Variants in SDF2 observed in about 807,000 individuals in gnomAD.
SDF2 encodes the protein stromal cell-derived factor 2.
Under a neutral mutation model 20.5 loss-of-function variants are expected in SDF2, and 12 were observed. The ratio of observed to expected loss-of-function variants is 0.58; its 90% CI spans 0.37 to 0.95. The LOEUF is 0.95. Among genes scored for constraint, SDF2 ranks in the 40% least tolerant of loss-of-function variants. SDF2 has a pLI of 0.01. For synonymous variants in SDF2, 100 were observed against 101.0 expected (o/e 0.99, Z 0.06); for missense variants, 238 against 263.1 (o/e 0.90, Z 0.66).
rs1277135000 is a variant in SDF2, at chr17:28,649,222, C to G, written c.403G>C (p.Val135Leu). 6.2e-7 allele frequency: 1 copy of G among 1,614,222 alleles called. No homozygotes were observed. The highest frequency in any genetic ancestry group is 8.5e-7 in the Non-Finnish European group (1 of 1,180,038). ...GEGDYLDDWT[V>L]LCNGPYWVRD... is the part of the protein sequence containing the mutation. ...ACCCAGTAGGGTCCATTACAGAGCA[C>G]TGTCCAGTCATCCAGATAATCACCT... The change falls in exon 3 of 3, where the codon GTG (valine) becomes CTG (leucine). Residue 135 changes from valine (V) to leucine (L), a missense_variant. Coordinates refer to ENST00000247020, the MANE Select transcript of SDF2 (RefSeq NM_006923.4).
Position 28,661,903 on chromosome 17 carries a change from C to T in SDF2, c.-27G>A, listed in dbSNP as rs2072054649. ...CTAACTGTATCGCGGAGCCCCAAAT[C>T]TTCGAAGAAAACTCGGCCCCTCCCC... On this transcript the variant is annotated 5_prime_UTR_variant, in exon 1 of 3. Transcript: ENST00000247020. The T allele has an allele frequency of 6.3e-7, 1 of 1,583,020 alleles. No homozygotes were observed. Among genetic ancestry groups the T allele is most frequent in the Non-Finnish European group, 8.6e-7 (1 of 1,156,852 alleles).
At chr17:28,655,236 G>T in intron 2 of SDF2, 51 bp downstream of exon 2, 1 of 1,534,138 alleles carries the variant, frequency 6.5e-7, no homozygotes, top group Non-Finnish European at 9.0e-7. Flanking sequence ...GATCAAACAA[G>T]CACCCACTGA....
intron 2 of SDF2, among the ~76,000 whole-genome samples, chr17:28,650,511 T>C (rs1451264298): frequency 6.6e-6 from 1 of 151,596 alleles, no homozygotes; most frequent in Non-Finnish European, 1.5e-5. Context: ...TGTGGCCAGG[T>C]ACGGTAGCTC....
chr17:28,656,730 G>A (rs769754003), intron 1 of SDF2, among the ~76,000 whole-genome samples: 39 of 152,294 alleles, frequency 2.6e-4, no homozygotes, highest in Non-Finnish European at 4.7e-4. Flanking sequence ...GTTTTTTGAG[G>A]CACAGGCAGT....
rs956754004 is a variant in SDF2, at chr17:28,648,624, G to C, written c.*365C>G. The C allele has an allele frequency of 2.1e-5, 5 of 242,770 alleles. No individual in the cohort carries two copies. The highest frequency in any genetic ancestry group is 4.0e-5 in the Non-Finnish European group (5 of 124,468). 15.0% of individuals were successfully genotyped at this position (242,770 alleles called of 1,614,324 possible). On this transcript the variant is annotated 3_prime_UTR_variant, in exon 3 of 3. Transcript: ENST00000247020. ...ATTATTGTTTTTATCATTTTGGAGAGAGAAAATAGGGGGAAAATCACATAC... is the reference window on the plus strand; with the variant it reads ...ATTATTGTTTTTATCATTTTGGAGACAGAAAATAGGGGGAAAATCACATAC...
Position 28,649,087 on chromosome 17 carries a change from C to T in SDF2, c.538G>A (p.Ala180Thr), listed in dbSNP as rs565830539. ...ISGQKEVHGM[A>T]QPSQNNYWKA... ...CAGTAGTTGTTCTGACTTGGCTGGG[C>T]CATGCCATGCACCTCTTTTTGCCCA... The change falls in exon 3 of 3, where the codon GCC becomes ACC. Residue 180 changes from alanine (A) to threonine (T), a missense_variant. Ala to Thr is a moderately conservative substitution (Grantham distance 58, BLOSUM62 0). Transcript: ENST00000247020. 5.0e-6 allele frequency: 8 copies of T among 1,614,212 alleles called. No homozygotes were observed. The Admixed American group carries it at 1.3e-4, about 27-fold the overall frequency.
chr17:28,649,331 G>C, intron 2 of SDF2, 55 bp from the exon 3 acceptor site: 1 of 1,554,592 alleles, frequency 6.4e-7, no homozygotes, highest in Non-Finnish European at 8.8e-7. Context: ...CTTGAAAAGG[G>C]GTGGGAGGCA....
In SDF2 at chr17:28,655,178, A is replaced by C. The variant is rs1285985867; in HGVS notation, c.348+109T>G. The C allele has an allele frequency of 2.8e-6, 3 of 1,071,978 alleles. No homozygotes were observed. The Admixed American group carries it at 6.2e-5, about 22-fold the overall frequency. The allele number at this position is 1,071,978 out of a possible 1,614,324, so 66.4% of individuals were successfully genotyped here. A position where few individuals can be genotyped will look rare whatever the true frequency, so the allele number is the denominator to read the frequency against. On this transcript the variant is annotated intron_variant, in intron 2 of 2. Transcript: ENST00000247020. ...AATAGAGCCATTTCCCCAGGTCTGCACAAAAGAGAACATCTACACCTAGAA... is the reference window on the plus strand; with the variant it reads ...AATAGAGCCATTTCCCCAGGTCTGCCCAAAAGAGAACATCTACACCTAGAA...
Position 28,648,919 on chromosome 17 carries a change from G to T in SDF2, c.*70C>A, listed in dbSNP as rs2071887823. On this transcript the variant is annotated 3_prime_UTR_variant, in exon 3 of 3. Coordinates refer to ENST00000247020, the MANE Select transcript of SDF2 (RefSeq NM_006923.4). ...CACTGCCCAAGGAACTTGTGGCAGG[G>T]ATCCCAAGGTGAGGCAGCAACAGAT... is the stretch of plus-strand genomic sequence containing the variant. The T allele has an allele frequency of 6.6e-7, 1 of 1,514,084 alleles. No homozygotes were observed. 93.8% of individuals were successfully genotyped at this position (1,514,084 alleles called of 1,614,324 possible). A position where few individuals can be genotyped will look rare whatever the true frequency, so the allele number is the denominator to read the frequency against.
Position 28,648,911 on chromosome 17 carries a change from G to A in SDF2, c.*78C>T, listed in dbSNP as rs904137219. On this transcript the variant is annotated 3_prime_UTR_variant, in exon 3 of 3. Transcript: ENST00000247020. ...GACATGGCCACTGCCCAAGGAACTTGTGGCAGGGATCCCAAGGTGAGGCAG... is the reference window on the plus strand; with the variant it reads ...GACATGGCCACTGCCCAAGGAACTTATGGCAGGGATCCCAAGGTGAGGCAG... 1.4e-6 allele frequency: 2 copies of A among 1,444,488 alleles called. No individual in the cohort carries two copies. The highest frequency in any genetic ancestry group is 2.8e-5 in the African/African-American group (2 of 71,616). The allele number at this position is 1,444,488 out of a possible 1,614,324, so 89.5% of individuals were successfully genotyped here. A position where few individuals can be genotyped will look rare whatever the true frequency, so the allele number is the denominator to read the frequency against.
chr17:28,655,144 C>T, intron 2 of SDF2, 143 bp downstream of exon 2: 2 of 781,462 alleles, frequency 2.6e-6, no homozygotes, highest in East Asian at 2.6e-5. Flanking sequence ...CAACAAAAAC[C>T]CACACAAAAA....
At chr17:28,654,140 G>A (rs532018786) in intron 2 of SDF2, among the ~76,000 whole-genome samples, 4 of 151,768 alleles carry the variant, frequency 2.6e-5, no homozygotes, top group Middle Eastern at 3.4e-3. Context: ...GCAAAACCCC[G>A]TATCTACCAA....
chr17:28,648,578 AAC>A lies in SDF2; in HGVS notation c.*409_*410del, dbSNP rs1202970861. 5 of 204,282 alleles carry A rather than the reference AAC, an allele frequency of 2.4e-5. No individual in the cohort carries two copies. The East Asian group carries it at 5.9e-4, about 24-fold the overall frequency. The allele number at this position is 204,282 out of a possible 1,614,324, so 12.7% of individuals were successfully genotyped here. ...TGAAATAGCACACCTAATAAATAAC[AAC>A]ACAGTGACTCATAATAAAATTATTG... On this transcript the variant is annotated 3_prime_UTR_variant, in exon 3 of 3. Coordinates refer to ENST00000247020, the MANE Select transcript of SDF2 (RefSeq NM_006923.4).
At chr17:28,652,164 A>G (rs1479035166) in intron 2 of SDF2, among the ~76,000 whole-genome samples, 2 of 152,042 alleles carry the variant, frequency 1.3e-5, no homozygotes, top group Non-Finnish European at 2.9e-5. Flanking sequence ...CCTGAATAAC[A>G]CAGCAAGAAC....
chr17:28,659,659 C>T (rs1340589767), intron 1 of SDF2, among the ~76,000 whole-genome samples: 27 of 141,114 alleles, frequency 1.9e-4, no homozygotes, highest in South Asian at 6.9e-4. Context: ...CAGGCAGAGA[C>T]GCTCCTCACA....
At position 28,649,202 on chromosome 17, in the gene SDF2, G is replaced by C. The variant is rs766535354; in HGVS notation, c.423C>G (p.Tyr141Ter). 3.7e-6 allele frequency: 6 copies of C among 1,614,056 alleles called. No homozygotes were observed. Among genetic ancestry groups the C allele is most frequent in the South Asian group, 1.1e-5 (1 of 91,088 alleles). Residue 141 changes from tyrosine to a stop codon, truncating the protein, a stop_gained, in exon 3 of 3, where the codon TAC becomes TAG. Coordinates refer to ENST00000247020, the MANE Select transcript of SDF2 (RefSeq NM_006923.4). LOFTEE classifies it high-confidence loss of function. ...DDWTVLCNGP[Y>*]WVRDGEVRFK... ...ACCGCACCTCACCATCTCTCACCCA[G>C]TAGGGTCCATTACAGAGCACTGTCC...
At chr17:28,658,872 G>T (rs149958863) in intron 1 of SDF2, among the ~76,000 whole-genome samples, 10 of 151,546 alleles carry the variant, frequency 6.6e-5, no homozygotes, top group Admixed American at 1.3e-4. Context: ...AGACGGGGCG[G>T]CCGGGCAGAG....
intron 2 of SDF2, among the ~76,000 whole-genome samples, chr17:28,654,821 T>C (rs188906350): frequency 6.6e-6 from 1 of 151,960 alleles, no homozygotes; most frequent in Non-Finnish European, 1.5e-5. Context: ...CCAGGTGTGG[T>C]GGCACACGCC....
In SDF2 at chr17:28,648,882, T is replaced by A; in HGVS notation, c.*107A>T. On this transcript the variant is annotated 3_prime_UTR_variant, in exon 3 of 3. Coordinates refer to ENST00000247020, the MANE Select transcript of SDF2 (RefSeq NM_006923.4). ...TTTCTGTTGTATATCTTCATCTCAA[T>A]GGTGACATGGCCACTGCCCAAGGAA... The A allele has an allele frequency of 9.0e-7, 1 of 1,111,228 alleles. No individual in the cohort carries two copies. The allele number at this position is 1,111,228 out of a possible 1,614,324, so 68.8% of individuals were successfully genotyped here.
Sources: allele counts gnomAD v4.1 joint callset (sites outside exome capture counted in the v4.1 genomes callset), GRCh38; gene constraint gnomAD v4.1.1; transcripts MANE v1.5; gene names NCBI Gene and HGNC (gene_info 2026-07-23, HGNC 2026-07-21).